PLXNB2: variants seen among roughly 807,000 people sequenced by gnomAD.
PLXNB2 encodes the protein plexin B2, also known as plexin-B2.
Under a neutral mutation model 202.6 loss-of-function variants are expected in PLXNB2, and 85 were observed. The ratio of observed to expected loss-of-function variants is 0.42; its 90% CI spans 0.35 to 0.50. The LOEUF is 0.50. Ranked by LOEUF, PLXNB2 falls within the 20% of genes least tolerant of loss-of-function variation. The pLI is 0.02. For synonymous variants in PLXNB2, 1,239 were observed against 1,137.6 expected (o/e 1.09, Z -1.79); for missense variants, 2,063 against 2,586.2 (o/e 0.80, Z 4.39).
At chr22:50,305,034 A>G (rs915219084) in intron 1 of PLXNB2, among the ~76,000 whole-genome samples, 1 of 152,232 alleles carries the variant, frequency 6.6e-6, no homozygotes, top group African/African-American at 2.4e-5. Context: ...AGGGGAAGGC[A>G]GCCCTCGTGG....
Position 50,287,177 on chromosome 22 carries a change from G to T in PLXNB2, c.1696C>A (p.Arg566Ser), listed in dbSNP as rs765677296. The T allele has an allele frequency of 5.2e-6, 8 of 1,547,852 alleles. No individual in the cohort carries two copies. Among genetic ancestry groups the T allele is most frequent in the Non-Finnish European group, 6.1e-6 (7 of 1,145,660 alleles). The change falls in exon 8 of 37, where the codon CGC becomes AGC. Residue 566 changes from arginine to serine, a missense_variant. Transcript: ENST00000359337. Reference protein sequence around the residue: ...LFGESPPHPARVEGEAVICNS... With the variant: ...LFGESPPHPASVEGEAVICNS... ...CAGATGACGGCCTCGCCCTCCACGC[G>T]GGCGGGGTGTGGCGGCGACTCCCCA...
intron 27 of PLXNB2, 125 bp downstream of exon 27, chr22:50,279,505 T>C: frequency 1.1e-6 from 1 of 940,030 alleles, no homozygotes; most frequent in Non-Finnish European, 1.6e-6. Context: ...GAGCAGGCTG[T>C]AACTCGAATC....
chr22:50,289,968 T>A lies in PLXNB2; in HGVS notation c.617A>T (p.Tyr206Phe), dbSNP rs748583369. ...AFEAYTDHAT[Y>F]KAGYLSTNTQ... is the part of the protein sequence containing the mutation. ...GTTGGTGGACAGGTAGCCGGCCTTG[T>A]AGGTGGCGTGGTCCGTGTAGGCTTC... is the stretch of plus-strand genomic sequence containing the variant. The change falls in exon 3 of 37, where the codon TAC becomes TTC. Residue 206 changes from tyrosine to phenylalanine, a missense_variant. By Grantham distance (22) the Tyr-to-Phe change is conservative. Around this residue, in one of 2 missense-constraint regions of PLXNB2, gnomAD observed 1,303 missense variants for 1,476.8 expected, o/e 0.88. Coordinates refer to ENST00000359337, the MANE Select transcript of PLXNB2 (RefSeq NM_012401.4). This position sits in a 1 kb window ranked among gnomAD's most constrained non-coding sequence, Gnocchi z 8.0. 3.1e-6 allele frequency: 5 copies of A among 1,613,320 alleles called. No homozygotes were observed. In the Admixed American group the frequency reaches 8.3e-5, roughly 27 times the overall value.
rs759858793 is a variant in PLXNB2 at position 50,285,853 on chromosome 22, T to G, written c.2035A>C (p.Met679Leu). 6 of 1,612,924 alleles carry G rather than the reference T, an allele frequency of 3.7e-6. No homozygotes were observed. Among genetic ancestry groups the G allele is most frequent in the Non-Finnish European group, 5.1e-6 (6 of 1,179,894 alleles). ...AAGTTCACATCTGTCTCGTGGTTCA[T>G]GGGGATCACCAGGGGGCTGGGTCCC... ...FLGPSPLVIP[M>L]NHETDVNFQG... Residue 679 changes from methionine (M) to leucine (L), a missense_variant, in exon 11 of 37, where the codon ATG becomes CTG. Transcript: ENST00000359337.
In PLXNB2 at chr22:50,287,160, G is replaced by A. The variant is rs776036779; in HGVS notation, c.1713C>T (p.Ala571=). The change falls in exon 8 of 37, where the codon GCC becomes GCT. Residue 571 remains alanine (A), a synonymous_variant. Transcript: ENST00000359337. ...TGCTGCTTGGGGAGTTGCAGATGAC[G>A]GCCTCGCCCTCCACGCGGGCGGGGT... is the stretch of plus-strand genomic sequence containing the variant. ...PPHPARVEGE[A]VICNSPSSIP... is the part of the protein sequence containing the mutation. The A allele has an allele frequency of 1.8e-5, 28 of 1,545,566 alleles. No homozygotes were observed. Among genetic ancestry groups the A allele is most frequent in the Non-Finnish European group, 2.4e-5 (27 of 1,144,444 alleles).
In PLXNB2 at chr22:50,282,796, A is replaced by G; in HGVS notation, c.2902T>C (p.Ser968Pro). 6.2e-7 allele frequency: 1 copy of G among 1,604,622 alleles called. No homozygotes were observed. Among genetic ancestry groups the G allele is most frequent in the Non-Finnish European group, 8.5e-7 (1 of 1,176,622 alleles). ...QMLLEVSYGG[S>P]PVPNPGIFFT... is the part of the protein sequence containing the mutation. The stretch of plus-strand genomic sequence containing the variant: ...AAGATGCCGGGGTTGGGCACGGGGG[A>G]CCCCCCGTAGGAGACCTCCAGAAGC... Residue 968 changes from serine (S) to proline (P), a missense_variant, in exon 18 of 37, where the codon TCC becomes CCC. This residue lies in a region of PLXNB2 where 1,303 missense variants were observed against 1,476.8 expected (regional missense o/e 0.88). Coordinates refer to ENST00000359337, the MANE Select transcript of PLXNB2 (RefSeq NM_012401.4).
chr22:50,298,431 C>T (rs2067433284), intron 1 of PLXNB2, among the ~76,000 whole-genome samples: 1 of 152,170 alleles, frequency 6.6e-6, no homozygotes, highest in Non-Finnish European at 1.5e-5. Context: ...GCCCCCGCCC[C>T]TCCCACTGGG....
In PLXNB2 at chr22:50,283,431, A is replaced by G; in HGVS notation, c.2585T>C (p.Ile862Thr). ...CGTGAAAGGCGTCTCCGCAGCCTCGATCACACACACGATCCTGGCGGGCGA... is the reference window on the plus strand; with the variant it reads ...CGTGAAAGGCGTCTCCGCAGCCTCGGTCACACACACGATCCTGGCGGGCGA... ...YSVSTRIVCV[I>T]EAAETPFTGG... Residue 862 changes from isoleucine to threonine, a missense_variant, in exon 16 of 37, where the codon ATC (isoleucine) becomes ACC (threonine). Ile to Thr is a moderately conservative substitution (Grantham distance 89). This residue lies in a region of PLXNB2 where 1,303 missense variants were observed against 1,476.8 expected (regional missense o/e 0.88). Coordinates refer to ENST00000359337, the MANE Select transcript of PLXNB2 (RefSeq NM_012401.4). The G allele has an allele frequency of 6.2e-7, 1 of 1,612,916 alleles. No individual in the cohort carries two copies. The highest frequency in any genetic ancestry group is 8.5e-7 in the Non-Finnish European group (1 of 1,179,862).
intron 20 of PLXNB2, 52 bp downstream of exon 20, chr22:50,281,802 C>T: frequency 6.3e-7 from 1 of 1,581,958 alleles, no homozygotes; most frequent in Non-Finnish European, 8.6e-7. Context: ...TGGACCAGCT[C>T]TCAGCCCAGA....
intron 1 of PLXNB2, among the ~76,000 whole-genome samples, chr22:50,298,275 T>C (rs1033620767): frequency 3.9e-5 from 6 of 152,156 alleles, no homozygotes; most frequent in Non-Finnish European, 8.8e-5. Flanking sequence ...AGCACAGGGA[T>C]GCTGGGCCTC....
chr22:50,289,716 C>A lies in PLXNB2; in HGVS notation c.869G>T (p.Gly290Val). The A allele has an allele frequency of 5.6e-6, 9 of 1,611,636 alleles. No individual in the cohort carries two copies. The highest frequency in any genetic ancestry group is 7.6e-6 in the Non-Finnish European group (9 of 1,179,930). ...LAASVAAPGS[G>V]RVLYAVFSRD... ...GCTGAAGACAGCATATAGCACCCTG[C>A]CAGAGCCAGGCGCAGCCACGGAGGC... The change falls in exon 3 of 37, where the codon GGC becomes GTC. Residue 290 changes from glycine (G) to valine (V), a missense_variant. By Grantham distance (109) the Gly-to-Val change is moderately radical. Transcript: ENST00000359337. This position sits in a 1 kb window ranked among gnomAD's most constrained non-coding sequence, Gnocchi z 8.0.
In PLXNB2 at chr22:50,275,552, A is replaced by ACG. The variant is rs2065485623; in HGVS notation, c.*150_*151dup. ...CTCAGAGGAAGATGCTACAGTCTAG[A>ACG]CGCTGGGCGGGTTCCGGCTGCACCC... is the stretch of plus-strand genomic sequence containing the variant. On this transcript the variant is annotated 3_prime_UTR_variant, in exon 37 of 37. Coordinates refer to ENST00000359337, the MANE Select transcript of PLXNB2 (RefSeq NM_012401.4). 1 of 649,280 alleles carries ACG rather than the reference A, an allele frequency of 1.5e-6. No homozygotes were observed. The highest frequency in any genetic ancestry group is 1.8e-5 in the African/African-American group (1 of 55,506). 40.2% of individuals were successfully genotyped at this position (649,280 alleles called of 1,614,324 possible).
In PLXNB2 at chr22:50,282,172, G is replaced by A. The variant is rs1279825475; in HGVS notation, c.3117+12C>T. On this transcript the variant is annotated intron_variant, in intron 19 of 36. Coordinates refer to ENST00000359337, the MANE Select transcript of PLXNB2 (RefSeq NM_012401.4). Reference sequence around the variant, plus strand: ...GGGCCGGTGCCAGAGCTGAGCCCACGCCAGGACTGACCGTCATGGGCTGCA... The same window carrying A: ...GGGCCGGTGCCAGAGCTGAGCCCACACCAGGACTGACCGTCATGGGCTGCA... 5 of 1,607,890 alleles carry A rather than the reference G, an allele frequency of 3.1e-6. No homozygotes were observed. Among genetic ancestry groups the A allele is most frequent in the East Asian group, 2.2e-5 (1 of 44,842 alleles).
chr22:50,305,516 G>A (rs2067853497), intron 1 of PLXNB2, among the ~76,000 whole-genome samples: 1 of 152,200 alleles, frequency 6.6e-6, no homozygotes, highest in Non-Finnish European at 1.5e-5. Flanking sequence ...CTGCAGGATG[G>A]GCTCACAGGC....
At chr22:50,280,168 G>A (rs1371039598) in intron 25 of PLXNB2, 97 bp from the exon 26 acceptor site, 10 of 997,460 alleles carry the variant, frequency 1.0e-5, no homozygotes, top group East Asian at 1.0e-4. Flanking sequence ...CGCCAGCCTC[G>A]CCCCTGTCCA....
chr22:50,301,835 C>T (rs1197077920), intron 1 of PLXNB2, among the ~76,000 whole-genome samples: 1 of 152,260 alleles, frequency 6.6e-6, no homozygotes, highest in Non-Finnish European at 1.5e-5. Context: ...CCTCGCCCAT[C>T]ACCGCTGAAC....
At chr22:50,283,797 C>G (rs755425908) in intron 14 of PLXNB2, 36 bp downstream of exon 14, 15 of 1,612,018 alleles carry the variant, frequency 9.3e-6, no homozygotes, top group Non-Finnish European at 1.3e-5. Context: ...ATGCCAGGGA[C>G]GAGGGAAGGT....
rs1218951506 is a variant in PLXNB2 at position 50,275,503 on chromosome 22, C to T, written c.*201G>A. 3.0e-6 allele frequency: 2 copies of T among 670,532 alleles called. No homozygotes were observed. Among genetic ancestry groups the T allele is most frequent in the Non-Finnish European group, 5.5e-6 (2 of 363,910 alleles). 41.5% of individuals were successfully genotyped at this position (670,532 alleles called of 1,614,324 possible). A position where few individuals can be genotyped will look rare whatever the true frequency, so the allele number is the denominator to read the frequency against. On this transcript the variant is annotated 3_prime_UTR_variant, in exon 37 of 37. Coordinates refer to ENST00000359337, the MANE Select transcript of PLXNB2 (RefSeq NM_012401.4). ...GAGGGAGCTGGGGCTGGGGCTGGTGCTGGTGCGGTGCCCGGCGGTATTGCT... is the reference window on the plus strand; with the variant it reads ...GAGGGAGCTGGGGCTGGGGCTGGTGTTGGTGCGGTGCCCGGCGGTATTGCT...
chr22:50,278,443 G>A lies in PLXNB2; in HGVS notation c.4724C>T (p.Pro1575Leu), dbSNP rs991130214. The change falls in exon 30 of 37, where the codon CCT becomes CTT. Residue 1575 changes from proline (P) to leucine (L), a missense_variant. Around this residue, in one of 2 missense-constraint regions of PLXNB2, gnomAD observed 760 missense variants for 1,109.4 expected, o/e 0.69. Transcript: ENST00000359337. ...AACAGGGAGGGACTCACGCTCCCCA[G>A]GCAGGTCCTGCTGGCTGTCCTCCGG... Reference protein sequence around the residue: ...QQPEDSQQDLPGERHALLEEE... With the variant: ...QQPEDSQQDLLGERHALLEEE... The A allele has an allele frequency of 5.8e-6, 9 of 1,559,130 alleles. No individual in the cohort carries two copies. The highest frequency in any genetic ancestry group is 5.4e-5 in the African/African-American group (4 of 73,536).
Sources: gnomAD v4.1 joint callset for allele counts (sites outside exome capture counted in the v4.1 genomes callset) on GRCh38, gnomAD v4.1.1 for gene constraint, gnomAD v4.1.1 regional missense constraint, Gnocchi (gnomAD v3.1) non-coding constraint, MANE v1.5 for transcripts, NCBI Gene and HGNC (gene_info 2026-07-23, HGNC 2026-07-21) for gene names.